NAA35: variants seen among roughly 807,000 people sequenced by gnomAD.
NAA35 encodes the protein MAK10 homolog, amino-acid N-acetyltransferase subunit.
Under a neutral mutation model 101.7 loss-of-function variants are expected in NAA35, and 18 were observed. That is an observed-to-expected ratio of 0.18 (90% CI 0.12 to 0.26). The LOEUF (loss-of-function observed/expected upper bound fraction) is 0.26. Among genes scored for constraint, NAA35 ranks in the 10% least tolerant of loss-of-function variants. The probability of loss-of-function intolerance (pLI) is 1.00; values close to 1 mark genes in which losing one functional copy is unlikely to be tolerated. For synonymous variants in NAA35, 267 were observed against 273.1 expected, an observed-to-expected ratio of 0.98 and a Z score of 0.22; for missense variants, 601 against 886.8, an observed-to-expected ratio of 0.68 and a Z score of 4.09.
At chr9:85,974,240 C>T (rs895825521) in intron 6 of NAA35, among the ~76,000 whole-genome samples, 24 of 151,992 alleles carry the variant, frequency 1.6e-4, no homozygotes, top group Admixed American at 1.3e-3. Context: ...ATTATAGGCA[C>T]GAGCCACCAT....
chr9:86,015,642 T>G, intron 17 of NAA35: 1 of 762,896 alleles, frequency 1.3e-6, no homozygotes. Context: ...TGAGAACCAT[T>G]GGTATAGAAT....
chr9:86,003,152 T>C (rs1479323508), intron 12 of NAA35, among the ~76,000 whole-genome samples: 2 of 152,206 alleles, frequency 1.3e-5, no homozygotes, highest in South Asian at 2.1e-4. Flanking sequence ...CTTAGGCTTA[T>C]TGATCACTTG....
At chr9:85,977,793 C>T (rs1278759640) in intron 10 of NAA35, among the ~76,000 whole-genome samples, 1 of 152,036 alleles carries the variant, frequency 6.6e-6, no homozygotes, top group African/African-American at 2.4e-5. Flanking sequence ...AAAGCAAGCC[C>T]TAGATGGTGA....
intron 21 of NAA35, among the ~76,000 whole-genome samples, chr9:86,020,309 A>C (rs921314684): frequency 1.3e-5 from 2 of 152,176 alleles, no homozygotes; most frequent in Non-Finnish European, 2.9e-5. Context: ...TCATTTAGTG[A>C]AACTTCATTT....
chr9:86,014,082 G>C (rs1215641703), intron 17 of NAA35, among the ~76,000 whole-genome samples, 185 bp downstream of exon 17: 1 of 152,174 alleles, frequency 6.6e-6, no homozygotes, highest in Non-Finnish European at 1.5e-5. Context: ...TATTGCATGA[G>C]TGTATTTTTC....
At chr9:86,008,590 T>C (rs546650341) in intron 14 of NAA35, among the ~76,000 whole-genome samples, 245 of 152,350 alleles carry the variant, frequency 1.6e-3, no homozygotes, top group African/African-American at 5.6e-3. Context: ...CATAGGAATC[T>C]AACCCTTTAT....
At chr9:85,972,236 T>G (rs1396157178) in intron 6 of NAA35, among the ~76,000 whole-genome samples, 1 of 152,126 alleles carries the variant, frequency 6.6e-6, no homozygotes, top group Admixed American at 6.5e-5. Flanking sequence ...CTGGATGTGG[T>G]GGCTCACACC....
chr9:86,001,595 T>G (rs1180534402), intron 12 of NAA35, among the ~76,000 whole-genome samples: 6 of 152,230 alleles, frequency 3.9e-5, no homozygotes, highest in African/African-American at 1.4e-4. Context: ...GGTTTTCTTG[T>G]TGAATTGAAC....
At chr9:86,001,825 T>G (rs1005674077) in intron 12 of NAA35, among the ~76,000 whole-genome samples, 7 of 152,190 alleles carry the variant, frequency 4.6e-5, no homozygotes, top group African/African-American at 1.7e-4. Flanking sequence ...TTTATCCAGC[T>G]TGTCACTCTG....
intron 4 of NAA35, among the ~76,000 whole-genome samples, chr9:85,959,026 G>A (rs550917823): frequency 1.3e-5 from 2 of 152,134 alleles, no homozygotes; most frequent in East Asian, 1.9e-4. Flanking sequence ...AATGGATATC[G>A]TAAACAAAAT....
chr9:85,956,163 C>T (rs960534490), intron 2 of NAA35, among the ~76,000 whole-genome samples, 197 bp from the exon 3 acceptor site: 2 of 152,136 alleles, frequency 1.3e-5, no homozygotes, highest in African/African-American at 2.4e-5. Flanking sequence ...CTTGATTTAT[C>T]GTATTCTTTT....
In NAA35 at chr9:86,015,031, TG is replaced by T. The variant is rs1292052143; in HGVS notation, c.1568+1137del. ...TTCCCACCTCAGCCTCTCAAGTAGG[TG>T]GGACTACAGATGTGCACCACTGCAC... On this transcript the variant is annotated intron_variant, in intron 17 of 22. Coordinates refer to ENST00000361671, the MANE Select transcript of NAA35 (RefSeq NM_024635.4). 2.0e-5 allele frequency among the ~76,000 whole-genome samples: 3 copies of T among 152,236 alleles called. No individual in the cohort carries two copies. The East Asian group carries it at 5.8e-4, about 29-fold the overall frequency.
At chr9:85,948,955 C>T (rs766591581) in intron 2 of NAA35, among the ~76,000 whole-genome samples, 14 of 152,048 alleles carry the variant, frequency 9.2e-5, no homozygotes, top group Non-Finnish European at 1.3e-4. Flanking sequence ...TGGGGTTTCG[C>T]CCTGTTGGCC....
intron 11 of NAA35, 84 bp from the exon 12 acceptor site, chr9:85,996,315 C>G: frequency 2.2e-6 from 2 of 894,440 alleles, no homozygotes; most frequent in Non-Finnish European, 3.4e-6. Context: ...GCTTTTTAAA[C>G]TGGCATTTTT....
At chr9:85,941,654 G>A (rs1430874470) in intron 1 of NAA35, 1 of 986,210 alleles carries the variant, frequency 1.0e-6, no homozygotes, top group Admixed American at 6.1e-5. Flanking sequence ...GGTGCCTGCC[G>A]GCTCCTCATT....
rs1832674570 is a variant in NAA35, at chr9:86,023,901, C to T, written c.*1941C>T. On this transcript the variant is annotated 3_prime_UTR_variant, in exon 23 of 23. Transcript: ENST00000361671. ...GGTTTCACTATGTTGCCCAAACTGACCCAAACTTGTGGGCTCAAGCAGTCC... is the reference window on the plus strand; with the variant it reads ...GGTTTCACTATGTTGCCCAAACTGATCCAAACTTGTGGGCTCAAGCAGTCC... Among the ~76,000 whole-genome samples the T allele has an allele frequency of 6.6e-6, 1 of 152,220 alleles. No individual in the cohort carries two copies. The highest frequency in any genetic ancestry group is 2.4e-5 in the African/African-American group (1 of 41,448).
chr9:86,013,329 T>C (rs1197405758), intron 16 of NAA35, among the ~76,000 whole-genome samples, 185 bp downstream of exon 16: 3 of 152,216 alleles, frequency 2.0e-5, no homozygotes, highest in Non-Finnish European at 4.4e-5. Context: ...TCCAAACTGA[T>C]AGATATCTTA....
chr9:85,988,435 T>A (rs1249562057), intron 11 of NAA35, among the ~76,000 whole-genome samples: 1 of 152,010 alleles, frequency 6.6e-6, no homozygotes, highest in African/African-American at 2.4e-5. Context: ...AGGAAAGCAG[T>A]AGAAGAGAAA....
intron 13 of NAA35, among the ~76,000 whole-genome samples, chr9:86,004,542 A>G (rs1485915903): frequency 6.6e-6 from 1 of 152,226 alleles, no homozygotes; most frequent in Non-Finnish European, 1.5e-5. Context: ...AAAGAAGAGC[A>G]TATTAAAACA....
Sources: allele counts gnomAD v4.1 joint callset (sites outside exome capture counted in the v4.1 genomes callset), GRCh38; gene constraint gnomAD v4.1.1; transcripts MANE v1.5; gene names NCBI Gene and HGNC (gene_info 2026-07-23, HGNC 2026-07-21).